KCNT2: variants seen among roughly 807,000 people sequenced by gnomAD.
The protein encoded by KCNT2 is potassium sodium-activated channel subfamily T member 2.
KCNT2 carries 67 observed loss-of-function variants against 153.8 expected under a neutral mutation model. The ratio of observed to expected loss-of-function variants is 0.44; its 90% CI spans 0.36 to 0.53. The LOEUF (loss-of-function observed/expected upper bound fraction) is 0.53, where lower values mean the gene tolerates loss of function less well. Ranked by LOEUF, KCNT2 falls within the 20% of genes least tolerant of loss-of-function variation. The pLI, the probability that KCNT2 is intolerant of heterozygous loss-of-function variation, is 0.00. For missense variants in KCNT2, 975 were observed against 1,354.8 expected (o/e 0.72, Z 4.40); for synonymous variants, 500 against 458.8 (o/e 1.09, Z -1.15).
At chr1:196,412,589 A>G (rs995282069) in intron 12 of KCNT2, among the ~76,000 whole-genome samples, 2 of 151,626 alleles carry the variant, frequency 1.3e-5, no homozygotes, top group East Asian at 1.9e-4. Flanking sequence ...AAGACAATAG[A>G]ATAGTGAGTG....
rs1160444374 is a variant in KCNT2 at position 196,544,134 on chromosome 1, AT to A, written c.96-51794del. Among the ~76,000 whole-genome samples, 3 of 152,182 alleles carry A rather than the reference AT, an allele frequency of 2.0e-5. No homozygotes were observed. In the East Asian group the frequency reaches 5.8e-4, roughly 29 times the overall value. ...ACCTAAATATCCATGAAAGGTCACT[AT>A]AACAATAAGTTATGGCATTCACATG... On this transcript the variant is annotated intron_variant, in intron 1 of 27. Transcript: ENST00000294725.
intron 14 of KCNT2, among the ~76,000 whole-genome samples, chr1:196,371,383 G>T (rs1005580308): frequency 6.6e-6 from 1 of 151,894 alleles, no homozygotes; most frequent in Non-Finnish European, 1.5e-5. Context: ...GATGCTAAAG[G>T]GTAGATAATT....
chr1:196,341,808 A>G (rs1227774662), intron 15 of KCNT2, among the ~76,000 whole-genome samples: 1 of 152,090 alleles, frequency 6.6e-6, no homozygotes, highest in Non-Finnish European at 1.5e-5. Flanking sequence ...TTTCATATGT[A>G]TGTAAATTCT....
At chr1:196,252,074 T>C (rs1656025723) in intron 26 of KCNT2, among the ~76,000 whole-genome samples, 1 of 151,808 alleles carries the variant, frequency 6.6e-6, no homozygotes, top group Admixed American at 6.6e-5. Flanking sequence ...TATTAGGGTT[T>C]AGATGTTTCA....
At chr1:196,483,444 T>A (rs993621009) in intron 3 of KCNT2, among the ~76,000 whole-genome samples, 21 of 152,198 alleles carry the variant, frequency 1.4e-4, no homozygotes, top group African/African-American at 5.1e-4. Flanking sequence ...AATACACTGA[T>A]TCTTTCAAAA....
chr1:196,415,601 T>C lies in KCNT2; in HGVS notation c.1185+7449A>G, dbSNP rs1187648813. On this transcript the variant is annotated intron_variant, in intron 12 of 27. Transcript: ENST00000294725. ...CCGGATAAGAGCATATTAGGAATAG[T>C]CTGCTTTCTATTTTATAACCAAGTC... Among the ~76,000 whole-genome samples the C allele has an allele frequency of 4.6e-5, 7 of 151,862 alleles. No individual in the cohort carries two copies. The Admixed American group carries it at 4.6e-4, about 10-fold the overall frequency.
chr1:196,244,582 AGTG>A (rs1370341477), intron 26 of KCNT2, among the ~76,000 whole-genome samples: 2 of 152,070 alleles, frequency 1.3e-5, no homozygotes, highest in African/African-American at 2.4e-5. Flanking sequence ...ATTGGCCTGG[AGTG>A]GTGGTGGCCA....
At chr1:196,426,262 T>A (rs1284191352) in intron 10 of KCNT2, among the ~76,000 whole-genome samples, 1 of 152,030 alleles carries the variant, frequency 6.6e-6, no homozygotes, top group Non-Finnish European at 1.5e-5. Flanking sequence ...TCAGTGGTTA[T>A]ACCTGGCACA....
At chr1:196,463,484 T>C (rs1677335407) in intron 8 of KCNT2, among the ~76,000 whole-genome samples, 1 of 151,740 alleles carries the variant, frequency 6.6e-6, no homozygotes, top group Non-Finnish European at 1.5e-5. Flanking sequence ...AAATTGTATG[T>C]AGTTAAACTT....
chr1:196,317,462 A>G (rs1438563021), intron 20 of KCNT2, among the ~76,000 whole-genome samples: 1 of 151,696 alleles, frequency 6.6e-6, no homozygotes, highest in Non-Finnish European at 1.5e-5. Flanking sequence ...TAGATGGAAA[A>G]TGAATGTGTT....
At chr1:196,570,480 C>T (rs1268215727) in intron 1 of KCNT2, among the ~76,000 whole-genome samples, 1 of 152,056 alleles carries the variant, frequency 6.6e-6, no homozygotes, top group Non-Finnish European at 1.5e-5. Context: ...TTTCATATCA[C>T]ATATTGGTGT....
intron 14 of KCNT2, among the ~76,000 whole-genome samples, chr1:196,365,175 ATTTGCTTAT>A (rs1667936254): frequency 6.6e-6 from 1 of 152,070 alleles, no homozygotes; most frequent in Admixed American, 6.6e-5. Context: ...AGCAACTATT[ATTTGCTTAT>A]ACTAATAGAA....
Position 196,519,841 on chromosome 1 carries a change from A to T in KCNT2, c.96-27500T>A, listed in dbSNP as rs568423450. ...ACAAAAAAAGCCCAAGACCAGAAAG[A>T]TTCACAGCTGAATTCTACCAGATGT... On this transcript the variant is annotated intron_variant, in intron 1 of 27. Coordinates refer to ENST00000294725, the MANE Select transcript of KCNT2 (RefSeq NM_198503.5). Among the ~76,000 whole-genome samples the T allele has an allele frequency of 3.9e-5, 6 of 152,266 alleles. No individual in the cohort carries two copies. The South Asian group carries it at 1.2e-3, about 32-fold the overall frequency.
chr1:196,596,256 T>C (rs1406458133), intron 1 of KCNT2, among the ~76,000 whole-genome samples: 4 of 152,026 alleles, frequency 2.6e-5, no homozygotes, highest in Admixed American at 6.5e-5. Context: ...CAGTATGGGA[T>C]TGCTAGATCA....
intron 16 of KCNT2, among the ~76,000 whole-genome samples, chr1:196,339,942 A>T (rs960538404): frequency 6.6e-5 from 10 of 151,338 alleles, no homozygotes; most frequent in Admixed American, 6.6e-4. Flanking sequence ...CTTACAAAAG[A>T]AATATAAAAG....
rs1682055520 is a variant in KCNT2 at position 196,516,405 on chromosome 1, T to C, written c.96-24064A>G. Among the ~76,000 whole-genome samples the C allele has an allele frequency of 2.0e-5, 3 of 152,016 alleles. 1 individual carries two copies. In the South Asian group the frequency reaches 6.2e-4, roughly 32 times the overall value. The stretch of plus-strand genomic sequence containing the variant: ...ACACGAGTCCCTGATCCCATTTTTC[T>C]TCCCTGGGCGGAATCTCTCCATCAA... On this transcript the variant is annotated intron_variant, in intron 1 of 27. Transcript: ENST00000294725.
intron 12 of KCNT2, among the ~76,000 whole-genome samples, chr1:196,408,562 A>G (rs1672024144): frequency 6.6e-6 from 1 of 151,648 alleles, no homozygotes; most frequent in Non-Finnish European, 1.5e-5. Context: ...ATTTCTCTTC[A>G]GATGCTGGTA....
intron 1 of KCNT2, among the ~76,000 whole-genome samples, chr1:196,563,199 A>G (rs1446208278): frequency 2.0e-5 from 3 of 151,846 alleles, no homozygotes; most frequent in South Asian, 2.1e-4. Flanking sequence ...AAGACAGAGT[A>G]TTTTTTTGTT....
In KCNT2 at chr1:196,589,256, T is replaced by A. The variant is rs1017707430; in HGVS notation, c.95+18959A>T. Among the ~76,000 whole-genome samples the A allele has an allele frequency of 4.6e-5, 3 of 65,590 alleles. No individual in the cohort carries two copies. The South Asian group carries it at 2.8e-3, about 62-fold the overall frequency. 43.0% of individuals were successfully genotyped at this position (65,590 alleles called of 152,430 possible). A position where few individuals can be genotyped will look rare whatever the true frequency, so the allele number is the denominator to read the frequency against. ...ATAATCCTTAAAGTCACTATATATA[T>A]AAAAAAAAGTGTGTGTGTGTGTGCA... On this transcript the variant is annotated intron_variant, in intron 1 of 27. Coordinates refer to ENST00000294725, the MANE Select transcript of KCNT2 (RefSeq NM_198503.5).
Sources: allele counts gnomAD v4.1 joint callset (sites outside exome capture counted in the v4.1 genomes callset), GRCh38; gene constraint gnomAD v4.1.1; transcripts MANE v1.5; gene names NCBI Gene and HGNC (gene_info 2026-07-23, HGNC 2026-07-21).